The following HFM1 variants were observed in gnomAD, a reference collection of about 807,000 sequenced individuals.
HFM1 encodes the protein helicase for meiosis 1.
In HFM1, 169 loss-of-function variants were observed where a neutral mutation model predicts 192.1. The ratio of observed to expected loss-of-function variants is 0.88; its 90% CI spans 0.78 to 1.00. The LOEUF (loss-of-function observed/expected upper bound fraction) is 1.00. Among genes scored for constraint, HFM1 ranks in the 50% least tolerant of loss-of-function variants. The pLI, the probability that HFM1 is intolerant of heterozygous loss-of-function variation, is 0.00. For missense variants in HFM1, 1,661 were observed against 1,668.0 expected, an observed-to-expected ratio of 1.00 and a Z score of 0.07; for synonymous variants, 525 against 537.8, an observed-to-expected ratio of 0.98 and a Z score of 0.33.
intron 20 of HFM1, among the ~76,000 whole-genome samples, chr1:91,326,852 G>C (rs533888978): frequency 1.3e-5 from 2 of 152,294 alleles, no homozygotes; most frequent in Admixed American, 1.3e-4. Flanking sequence ...CAAGAAAAAG[G>C]TAAAAAGCAT....
rs770072465 is a variant in HFM1, at chr1:91,313,931, T to A, written c.3244+26A>T. 9.1e-6 allele frequency: 11 copies of A among 1,204,326 alleles called. No homozygotes were observed. In the South Asian group the frequency reaches 1.3e-4, roughly 15 times the overall value. The allele number at this position is 1,204,326 out of a possible 1,614,324, so 74.6% of individuals were successfully genotyped here. A position where few individuals can be genotyped will look rare whatever the true frequency, so the allele number is the denominator to read the frequency against. Reference sequence around the variant, plus strand: ...AATGCAATTATATTATTTATATTCATGTCTTCATTACTTCAATTAACTTAC... The same window carrying A: ...AATGCAATTATATTATTTATATTCAAGTCTTCATTACTTCAATTAACTTAC... On this transcript the variant is annotated intron_variant, in intron 29 of 38. Coordinates refer to ENST00000370425, the MANE Select transcript of HFM1 (RefSeq NM_001017975.6).
Position 91,302,208 on chromosome 1 carries a change from A to T in HFM1, c.3391+11141T>A, listed in dbSNP as rs187350437. On this transcript the variant is annotated intron_variant, in intron 30 of 38. Coordinates refer to ENST00000370425, the MANE Select transcript of HFM1 (RefSeq NM_001017975.6). The stretch of plus-strand genomic sequence containing the variant: ...TGCTCATCATGATTGGCCATCAGAG[A>T]AATGCAAATCAAAACCACAATGAGA... Among the ~76,000 whole-genome samples the T allele has an allele frequency of 7.3e-3, 1,111 of 151,738 alleles. 17 individuals carry two copies. The highest frequency in any genetic ancestry group is 0.025 in the African/African-American group (1,035 of 41,334).
chr1:91,370,185 T>A (rs1659974181), intron 13 of HFM1, among the ~76,000 whole-genome samples: 1 of 152,192 alleles, frequency 6.6e-6, no homozygotes, highest in Admixed American at 6.5e-5. Context: ...TTACCATTCC[T>A]TCTGAAACTA....
chr1:91,323,266 AATTT>A, intron 21 of HFM1, 67 bp from the exon 22 acceptor site: 4 of 864,044 alleles, frequency 4.6e-6, no homozygotes, highest in Middle Eastern at 4.4e-4. Context: ...CCTTTCTCCA[AATTT>A]ATTTATTTTT....
rs556591938 is a variant in HFM1 at position 91,267,825 on chromosome 1, T to A, written c.3803A>T (p.Asn1268Ile). ...EVLNVNFELG[N>I]EVWDDFDDEN... The stretch of plus-strand genomic sequence containing the variant: ...ATCATCAAAATCATCCCAAACTTCA[T>A]TTCCCAATTCAAAGTTCACATTCAA... The change falls in exon 35 of 39, where the codon AAT becomes ATT. Residue 1268 changes from asparagine (N) to isoleucine (I), a missense_variant. Coordinates refer to ENST00000370425, the MANE Select transcript of HFM1 (RefSeq NM_001017975.6). The A allele has an allele frequency of 6.3e-7, 1 of 1,584,112 alleles. No homozygotes were observed. Among genetic ancestry groups the A allele is most frequent in the South Asian group, 1.2e-5 (1 of 85,502 alleles).
intron 30 of HFM1, among the ~76,000 whole-genome samples, chr1:91,284,709 G>A (rs1281475924): frequency 1.3e-5 from 2 of 152,094 alleles, no homozygotes; most frequent in Non-Finnish European, 2.9e-5. Context: ...CTGAGAGCAG[G>A]CCTGAAAATT....
chr1:91,297,865 A>G (rs974260463), intron 30 of HFM1, among the ~76,000 whole-genome samples: 3 of 152,182 alleles, frequency 2.0e-5, no homozygotes, highest in African/African-American at 7.2e-5. Flanking sequence ...AAAACTGGAA[A>G]CTCTAAAATT....
At chr1:91,277,918 TAA>T (rs1570754307) in intron 30 of HFM1, among the ~76,000 whole-genome samples, 16 of 130,740 alleles carry the variant, frequency 1.2e-4, no homozygotes, top group East Asian at 4.2e-4. Flanking sequence ...ATATATACAC[TAA>T]TATATAATAT....
At chr1:91,313,699 A>G (rs1399489068) in intron 29 of HFM1, among the ~76,000 whole-genome samples, 1 of 151,984 alleles carries the variant, frequency 6.6e-6, no homozygotes, top group South Asian at 2.1e-4. Flanking sequence ...TCTTCCAACA[A>G]TAACTGCAAC....
At chr1:91,349,642 T>C (rs991943466) in intron 18 of HFM1, among the ~76,000 whole-genome samples, 1 of 152,144 alleles carries the variant, frequency 6.6e-6, no homozygotes, top group African/African-American at 2.4e-5. Flanking sequence ...AATTTACAAG[T>C]GAATCTTCAA....
intron 30 of HFM1, among the ~76,000 whole-genome samples, chr1:91,299,169 A>G (rs1350485915): frequency 1.3e-5 from 2 of 152,210 alleles, no homozygotes; most frequent in Non-Finnish European, 2.9e-5. Context: ...CTTTAAACCA[A>G]CAAAGATCAA....
intron 13 of HFM1, among the ~76,000 whole-genome samples, chr1:91,355,798 T>C (rs1428968201): frequency 6.6e-6 from 1 of 152,172 alleles, no homozygotes; most frequent in Non-Finnish European, 1.5e-5. Context: ...CTTTCAATAA[T>C]GATAGATTAA....
intron 34 of HFM1, among the ~76,000 whole-genome samples, chr1:91,273,461 T>C (rs1370700541): frequency 6.6e-6 from 1 of 152,102 alleles, no homozygotes. Flanking sequence ...CAGGTTTTCC[T>C]CATAGTATCT....
intron 4 of HFM1, among the ~76,000 whole-genome samples, chr1:91,390,626 T>C (rs1206902081): frequency 2.0e-5 from 3 of 152,174 alleles, no homozygotes; most frequent in Non-Finnish European, 4.4e-5. Flanking sequence ...GAGCTATTTA[T>C]GACAGACCCA....
intron 4 of HFM1, 146 bp from the exon 5 acceptor site, chr1:91,385,980 A>G (rs1481123374): frequency 4.7e-6 from 3 of 643,110 alleles, no homozygotes; most frequent in Non-Finnish European, 5.4e-6. Flanking sequence ...CCTAAAATAT[A>G]ACTTGCTAGT....
At chr1:91,344,458 C>G (rs1655836485) in intron 19 of HFM1, among the ~76,000 whole-genome samples, 1 of 152,162 alleles carries the variant, frequency 6.6e-6, no homozygotes, top group South Asian at 2.1e-4. Flanking sequence ...ATTACCCACT[C>G]ACTACTCGAT....
intron 30 of HFM1, among the ~76,000 whole-genome samples, chr1:91,286,996 GCTCAGAGGGTCCTACGCCCACGGAGT>G (rs1334380537): frequency 5.3e-5 from 8 of 152,140 alleles, no homozygotes; most frequent in African/African-American, 1.7e-4. Flanking sequence ...CCCGCACCTG[GCTCAGAGGGTCCTACGCCCACGGAGT>G]CTCGCTGATT....
intron 18 of HFM1, among the ~76,000 whole-genome samples, chr1:91,348,827 G>A (rs1393873577): frequency 6.6e-6 from 1 of 152,028 alleles, no homozygotes; most frequent in Non-Finnish European, 1.5e-5. Flanking sequence ...TGGTGGCTGA[G>A]GTGAGAAGAT....
At chr1:91,352,379 A>C (rs554726395) in intron 16 of HFM1, 127 bp downstream of exon 16, 1 of 608,674 alleles carries the variant, frequency 1.6e-6, no homozygotes, top group South Asian at 3.0e-5. Context: ...TCCTCCACTA[A>C]AGGTAAATTT....
Sources: allele counts gnomAD v4.1 joint callset (sites outside exome capture counted in the v4.1 genomes callset), GRCh38; gene constraint gnomAD v4.1.1; transcripts MANE v1.5; gene names NCBI Gene and HGNC (gene_info 2026-07-23, HGNC 2026-07-21).